GNG7: variants seen among roughly 807,000 people sequenced by gnomAD.
The protein encoded by GNG7 is G protein subunit gamma 7, also known as guanine nucleotide-binding protein G(I)/G(S)/G(O) subunit gamma-7.
Under a neutral mutation model 4.0 loss-of-function variants are expected in GNG7, and 1 was observed. That is an observed-to-expected ratio of 0.25 (90% confidence interval 0.09 to 1.18). The LOEUF (loss-of-function observed/expected upper bound fraction) is 1.18, where lower values mean the gene tolerates loss of function less well. GNG7 is among the 50% of genes most tolerant of loss of function. The probability of loss-of-function intolerance (pLI) is 0.50; values close to 1 mark genes in which losing one functional copy is unlikely to be tolerated. For missense variants in GNG7, 86 were observed against 91.9 expected (o/e 0.94, Z 0.26); for synonymous variants, 34 against 36.9 (o/e 0.92, Z 0.29).
chr19:2,528,444 A>G (rs1434565275), intron 3 of GNG7, among the ~76,000 whole-genome samples: 2 of 150,438 alleles, frequency 1.3e-5, no homozygotes, highest in African/African-American at 2.4e-5. Context: ...TTAGCCGGGC[A>G]TGGCGGCGGG....
chr19:2,513,236 G>A lies in GNG7; in HGVS notation c.*1786C>T, dbSNP rs975536909. ...GGATCCCCGCCTCACGGGCCTGCAC[G>A]GAGGACCTGGGCGGCCGTCCAGGAA... is the stretch of plus-strand genomic sequence containing the variant. On this transcript the variant is annotated 3_prime_UTR_variant, in exon 5 of 5. Transcript: ENST00000382159. The A allele has an allele frequency of 2.9e-6, 2 of 696,506 alleles. No individual in the cohort carries two copies. The highest frequency in any genetic ancestry group is 3.5e-6 in the Non-Finnish European group (2 of 566,236). The allele number at this position is 696,506 out of a possible 1,614,324, so 43.1% of individuals were successfully genotyped here.
At chr19:2,564,540 C>G (rs909225321) in intron 2 of GNG7, among the ~76,000 whole-genome samples, 1 of 152,160 alleles carries the variant, frequency 6.6e-6, no homozygotes, top group Admixed American at 6.6e-5. Context: ...TGCCACCGCA[C>G]TCCAGCCTGG....
At chr19:2,563,360 G>A (rs76122358) in intron 2 of GNG7, among the ~76,000 whole-genome samples, 1,586 of 152,272 alleles carry the variant, frequency 0.01, 27 homozygotes, top group East Asian at 0.045. Flanking sequence ...GCTGAGCAGC[G>A]TCCCTGGCCT....
intron 2 of GNG7, among the ~76,000 whole-genome samples, chr19:2,560,906 G>T (rs1421846037): frequency 2.0e-5 from 3 of 149,824 alleles, no homozygotes; most frequent in Non-Finnish European, 4.4e-5. Flanking sequence ...GCAGTGAGCC[G>T]AGATCGTACC....
At chr19:2,567,088 G>C (rs1421701376) in intron 2 of GNG7, among the ~76,000 whole-genome samples, 6 of 148,614 alleles carry the variant, frequency 4.0e-5, no homozygotes, top group Admixed American at 2.0e-4. Context: ...GTCCGGCCTG[G>C]GCGACAGAGC....
At chr19:2,669,118 G>A (rs1420469213) in intron 1 of GNG7, among the ~76,000 whole-genome samples, 1 of 152,140 alleles carries the variant, frequency 6.6e-6, no homozygotes, top group Non-Finnish European at 1.5e-5. Context: ...GAAGGGGGTG[G>A]TCGTGTGTGT....
At chr19:2,595,312 G>C (rs913664869) in intron 2 of GNG7, 2 of 151,168 alleles carry the variant, frequency 1.3e-5, no homozygotes, top group African/African-American at 4.8e-5. Flanking sequence ...ATTTTTAGTA[G>C]AGACGGGGTT....
At chr19:2,669,361 A>G (rs1263488742) in intron 1 of GNG7, among the ~76,000 whole-genome samples, 1 of 152,020 alleles carries the variant, frequency 6.6e-6, no homozygotes, top group Admixed American at 6.6e-5. Flanking sequence ...GTGGTGGTGC[A>G]TGCCTGTAAT....
At chr19:2,702,553 C>T (rs1913433782) in intron 1 of GNG7, 93 bp downstream of exon 1, 2 of 152,122 alleles carry the variant, frequency 1.3e-5, no homozygotes, top group African/African-American at 4.8e-5. Flanking sequence ...ACCCCCAACT[C>T]GGTCCGCAGC....
At chr19:2,702,468 C>T (rs1180473464) in intron 1 of GNG7, among the ~76,000 whole-genome samples, 178 bp downstream of exon 1, 1 of 150,682 alleles carries the variant, frequency 6.6e-6, no homozygotes, top group Non-Finnish European at 1.5e-5. Flanking sequence ...AGCGCAGCCC[C>T]GTCCCCAATT....
intron 2 of GNG7, among the ~76,000 whole-genome samples, chr19:2,603,022 C>CCCTT (rs931136915): frequency 2.1e-5 from 3 of 141,374 alleles, no homozygotes; most frequent in Admixed American, 1.5e-4. Flanking sequence ...CTTTCCTTTC[C>CCCTT]CCTTCCTTCC....
In GNG7 at chr19:2,617,667, G is replaced by A. The variant is rs572383299; in HGVS notation, c.-78+28557C>T. Among the ~76,000 whole-genome samples, 2 of 151,958 alleles carry A rather than the reference G, an allele frequency of 1.3e-5. No homozygotes were observed. Among genetic ancestry groups the A allele is most frequent in the African/African-American group, 2.4e-5 (1 of 41,446 alleles). ...TTAGAGACCTTCCTGGACACCACGT[G>A]GCACAGACTCTCTCCTCTTGGTGCC... On this transcript the variant is annotated intron_variant, in intron 2 of 4. Coordinates refer to ENST00000382159, the MANE Select transcript of GNG7 (RefSeq NM_052847.3). This position sits in a 1 kb window ranked among gnomAD's most constrained non-coding sequence, Gnocchi z 4.7.
intron 3 of GNG7, among the ~76,000 whole-genome samples, chr19:2,521,612 GTTTTTTT>G (rs71178284): frequency 8.6e-5 from 9 of 104,702 alleles, no homozygotes; most frequent in Admixed American, 2.2e-4. Flanking sequence ...CCCCCTCCGT[GTTTTTTT>G]TTTTTTTTTT....
At chr19:2,559,804 G>T (rs1031154708) in intron 2 of GNG7, among the ~76,000 whole-genome samples, 6 of 152,194 alleles carry the variant, frequency 3.9e-5, no homozygotes, top group Non-Finnish European at 8.8e-5. Context: ...GAGCCACCGT[G>T]CCTGGCTCAA....
intron 1 of GNG7, among the ~76,000 whole-genome samples, chr19:2,669,725 G>A (rs1983402334): frequency 6.6e-6 from 1 of 152,054 alleles, no homozygotes; most frequent in Non-Finnish European, 1.5e-5. Context: ...GAGGTCTGTT[G>A]ATGGCTGGGT....
intron 2 of GNG7, among the ~76,000 whole-genome samples, chr19:2,575,640 CACACGCAG>C (rs1980294771): frequency 6.9e-6 from 1 of 144,896 alleles, no homozygotes; most frequent in Non-Finnish European, 1.5e-5. Flanking sequence ...CACACACAGG[CACACGCAG>C]ACACGCAGGC....
At chr19:2,657,861 A>C (rs1983036839) in intron 1 of GNG7, among the ~76,000 whole-genome samples, 1 of 152,064 alleles carries the variant, frequency 6.6e-6, no homozygotes, top group African/African-American at 2.4e-5. Context: ...GAAAGTACTA[A>C]AAGTCTCTGA....
chr19:2,656,848 A>G (rs140860720), intron 1 of GNG7, among the ~76,000 whole-genome samples: 323 of 152,272 alleles, frequency 2.1e-3, no homozygotes, highest in African/African-American at 7.4e-3. Flanking sequence ...TAATCCGTGT[A>G]CTAGAGTTAG....
chr19:2,643,768 T>C, intron 2 of GNG7: 1 of 386,728 alleles, frequency 2.6e-6, no homozygotes, highest in Admixed American at 3.1e-5. Context: ...GCGCACATGG[T>C]TCTAAGGGTT....
Sources: gnomAD v4.1 joint callset for allele counts (sites outside exome capture counted in the v4.1 genomes callset) on GRCh38, gnomAD v4.1.1 for gene constraint, Gnocchi (gnomAD v3.1) non-coding constraint, MANE v1.5 for transcripts, NCBI Gene and HGNC (gene_info 2026-07-23, HGNC 2026-07-21) for gene names.